The following CYTH4 variants were observed in gnomAD, a reference collection of about 807,000 sequenced individuals.
The protein encoded by CYTH4 is cytohesin 4.
Under a neutral mutation model 57.5 loss-of-function variants are expected in CYTH4, and 22 were observed. The ratio of observed to expected loss-of-function variants is 0.38; its 90% CI spans 0.27 to 0.55. The LOEUF is 0.55. Among genes scored for constraint, CYTH4 ranks in the 20% least tolerant of loss-of-function variants. CYTH4 has a pLI of 0.74. For synonymous variants in CYTH4, 186 were observed against 206.5 expected, an observed-to-expected ratio of 0.90 and a Z score of 0.85; for missense variants, 420 against 535.6, an observed-to-expected ratio of 0.78 and a Z score of 2.13.
intron 12 of CYTH4, 78 bp from the exon 13 acceptor site, chr22:37,313,361 C>A: frequency 1.4e-6 from 2 of 1,430,082 alleles, no homozygotes; most frequent in South Asian, 2.3e-5. Context: ...AATCCCATGC[C>A]CCTGATACAA....
intron 1 of CYTH4, among the ~76,000 whole-genome samples, chr22:37,283,630 C>A (rs1041894): frequency 2.0e-5 from 3 of 151,514 alleles, no homozygotes; most frequent in South Asian, 2.1e-4. Flanking sequence ...TTTCAACAGC[C>A]CCCCCAGTGG....
At chr22:37,312,281 C>G in intron 12 of CYTH4, 107 bp downstream of exon 12, 1 of 1,445,942 alleles carries the variant, frequency 6.9e-7, no homozygotes, top group South Asian at 1.3e-5. Context: ...CCAGTCTCTC[C>G]CTCCTGTTTC....
chr22:37,289,143 T>C (rs1053201517), intron 1 of CYTH4, among the ~76,000 whole-genome samples: 1 of 152,194 alleles, frequency 6.6e-6, no homozygotes, highest in African/African-American at 2.4e-5. Context: ...GGGCTCAGCA[T>C]GCGTCCCTGT....
chr22:37,295,784 G>A lies in CYTH4; in HGVS notation c.168-215G>A, dbSNP rs531048239. Among the ~76,000 whole-genome samples, 3 of 152,368 alleles carry A rather than the reference G, an allele frequency of 2.0e-5. No homozygotes were observed. The highest frequency in any genetic ancestry group is 3.9e-4 in the East Asian group (2 of 5,182). Reference sequence around the variant, plus strand: ...TTCCTGCAAGCTGCTAAATGCCCGTGCTGGGCCCATCAGAGAAGTCAGCTG... The same window carrying A: ...TTCCTGCAAGCTGCTAAATGCCCGTACTGGGCCCATCAGAGAAGTCAGCTG... On this transcript the variant is annotated intron_variant, in intron 3 of 12. Coordinates refer to ENST00000248901, the MANE Select transcript of CYTH4 (RefSeq NM_013385.5). This position sits in a 1 kb window ranked among gnomAD's most constrained non-coding sequence, Gnocchi z 4.1.
intron 6 of CYTH4, 33 bp from the exon 7 acceptor site, chr22:37,300,874 A>G (rs775144045): frequency 1.9e-6 from 3 of 1,592,538 alleles, no homozygotes; most frequent in South Asian, 1.1e-5. Flanking sequence ...GGGCCCACCC[A>G]CTCCACTGCC....
rs1372356450 is a variant in CYTH4 at position 37,313,555 on chromosome 22, C to T, written c.*44C>T. 6.3e-7 allele frequency: 1 copy of T among 1,581,970 alleles called. No homozygotes were observed. Among genetic ancestry groups the T allele is most frequent in the African/African-American group, 1.3e-5 (1 of 74,200 alleles). On this transcript the variant is annotated 3_prime_UTR_variant, in exon 13 of 13. Transcript: ENST00000248901. ...TGGGGGCTGGTCACCCTGAGAGTCC[C>T]ATCGCCTGCAGCACCTGGAGACCCA...
intron 6 of CYTH4, among the ~76,000 whole-genome samples, chr22:37,300,431 A>G (rs1304228036): frequency 6.6e-6 from 1 of 152,222 alleles, no homozygotes; most frequent in Non-Finnish European, 1.5e-5. Context: ...ACCTTCAGAG[A>G]ACTTAGCTTG....
Position 37,314,542 on chromosome 22 carries a change from T to G in CYTH4, c.*1031T>G, listed in dbSNP as rs759437912. 98 of 397,178 alleles carry G rather than the reference T, an allele frequency of 2.5e-4. No homozygotes were observed. Among genetic ancestry groups the G allele is most frequent in the Non-Finnish European group, 3.9e-4 (87 of 225,574 alleles). 24.6% of individuals were successfully genotyped at this position (397,178 alleles called of 1,614,324 possible). A position where few individuals can be genotyped will look rare whatever the true frequency, so the allele number is the denominator to read the frequency against. On this transcript the variant is annotated 3_prime_UTR_variant, in exon 13 of 13. Transcript: ENST00000248901. ...GCTTGGAGAGAGAGAGTCTTGGCCA[T>G]GGCTTTCCTGCAAGACCACTGACGA... is the stretch of plus-strand genomic sequence containing the variant.
intron 9 of CYTH4, among the ~76,000 whole-genome samples, chr22:37,310,514 T>A (rs902108654): frequency 1.3e-5 from 2 of 152,194 alleles, no homozygotes; most frequent in Non-Finnish European, 2.9e-5. Context: ...CGATTTTACC[T>A]CTCCATGACT....
rs1472915721 is a variant in CYTH4, at chr22:37,314,354, G to A, written c.*843G>A. Reference sequence around the variant, plus strand: ...ATGTCCATTTCGGGGAGAGGAGCAGGTGGGACCCTCAAGAAAATGACGGAG... The same window carrying A: ...ATGTCCATTTCGGGGAGAGGAGCAGATGGGACCCTCAAGAAAATGACGGAG... On this transcript the variant is annotated 3_prime_UTR_variant, in exon 13 of 13. Transcript: ENST00000248901. 7.5e-6 allele frequency: 3 copies of A among 398,800 alleles called. No individual in the cohort carries two copies. Among genetic ancestry groups the A allele is most frequent in the Non-Finnish European group, 1.3e-5 (3 of 226,172 alleles). 24.7% of individuals were successfully genotyped at this position (398,800 alleles called of 1,614,324 possible).
chr22:37,285,511 A>G (rs1052048449), intron 1 of CYTH4, among the ~76,000 whole-genome samples: 1 of 151,902 alleles, frequency 6.6e-6, no homozygotes, highest in Admixed American at 6.6e-5. Context: ...ATCGAGACCA[A>G]CCTGGCCAAC....
At chr22:37,312,322 A>T (rs1184361153) in intron 12 of CYTH4, 148 bp downstream of exon 12, 3 of 1,184,892 alleles carry the variant, frequency 2.5e-6, no homozygotes, top group Non-Finnish European at 3.5e-6. Context: ...CCCGTATTCC[A>T]TGGGTACTTT....
intron 2 of CYTH4, among the ~76,000 whole-genome samples, chr22:37,294,386 T>C (rs1333574672): frequency 6.6e-6 from 1 of 151,328 alleles, no homozygotes; most frequent in Non-Finnish European, 1.5e-5. Context: ...GGGCAAGGGA[T>C]GGGGGCTTGG....
chr22:37,296,799 C>T (rs75522851), intron 4 of CYTH4, among the ~76,000 whole-genome samples: 3,586 of 152,282 alleles, frequency 0.024, 146 homozygotes, highest in African/African-American at 0.082. Flanking sequence ...ACTCTCACCC[C>T]ACCCAGCACC....
intron 5 of CYTH4, 62 bp from the exon 6 acceptor site, chr22:37,299,164 A>C: frequency 1.5e-6 from 2 of 1,290,694 alleles, no homozygotes; most frequent in South Asian, 1.2e-5. Flanking sequence ...AACCCCCTCC[A>C]GGAGGTGGGT....
rs867900605 is a variant in CYTH4 at position 37,299,238 on chromosome 22, C to A, written c.366C>A (p.Asn122Lys). 6.2e-7 allele frequency: 1 copy of A among 1,604,344 alleles called. No individual in the cohort carries two copies. The highest frequency in any genetic ancestry group is 8.5e-7 in the Non-Finnish European group (1 of 1,174,020). ...GTYLGERDPI[N>K]LQVLQAFVDC... is the part of the protein sequence containing the mutation. ...CCTCCTCCCCCAGGGATCCCATCAA[C>A]CTGCAGGTCCTCCAGGCCTTCGTGG... is the stretch of plus-strand genomic sequence containing the variant. Residue 122 changes from asparagine (N) to lysine (K), a missense_variant, in exon 6 of 13, where the codon AAC (asparagine) becomes AAA (lysine). Transcript: ENST00000248901.
chr22:37,309,139 G>T, intron 8 of CYTH4, 73 bp from the exon 9 acceptor site: 1 of 1,367,744 alleles, frequency 7.3e-7, no homozygotes, highest in South Asian at 1.2e-5. Flanking sequence ...AGGCCACACA[G>T]GCCAGGCCAG....
At chr22:37,308,126 G>C (rs981203200) in intron 8 of CYTH4, among the ~76,000 whole-genome samples, 5 of 152,324 alleles carry the variant, frequency 3.3e-5, no homozygotes, top group African/African-American at 1.2e-4. Context: ...CCCACCCTGG[G>C]CTCTCCCTCA....
At position 37,314,716 on chromosome 22, in the gene CYTH4, C is replaced by T; in HGVS notation, c.*1205C>T. 3.3e-6 allele frequency: 1 copy of T among 307,370 alleles called. No homozygotes were observed. Among genetic ancestry groups the T allele is most frequent in the Non-Finnish European group, 5.9e-6 (1 of 168,286 alleles). The allele number at this position is 307,370 out of a possible 1,614,324, so 19.0% of individuals were successfully genotyped here. ...CTGGCCTGGAGGAGGAGTCCACTAA[C>T]AGGAAACACTTCTCACCCCCTCACA... On this transcript the variant is annotated 3_prime_UTR_variant, in exon 13 of 13. Coordinates refer to ENST00000248901, the MANE Select transcript of CYTH4 (RefSeq NM_013385.5).
Sources: gnomAD v4.1 joint callset for allele counts (sites outside exome capture counted in the v4.1 genomes callset) on GRCh38, gnomAD v4.1.1 for gene constraint, Gnocchi (gnomAD v3.1) non-coding constraint, MANE v1.5 for transcripts, NCBI Gene and HGNC (gene_info 2026-07-23, HGNC 2026-07-21) for gene names.